The following SCYL2 variants were observed in gnomAD, a reference collection of about 807,000 sequenced individuals.
The protein encoded by SCYL2 is SCY1 like pseudokinase 2, also known as SCY1-like protein 2.
In SCYL2, 36 loss-of-function variants were observed where a neutral mutation model predicts 100.4. That is an observed-to-expected ratio of 0.36 (90% CI 0.27 to 0.47). The LOEUF (loss-of-function observed/expected upper bound fraction) is 0.47. SCYL2 is among the 20% of genes least tolerant of loss of function. The probability of loss-of-function intolerance (pLI) is 1.00; values close to 1 mark genes in which losing one functional copy is unlikely to be tolerated. For synonymous variants in SCYL2, 330 were observed against 359.2 expected (o/e 0.92, Z 0.92); for missense variants, 902 against 1,083.9 (o/e 0.83, Z 2.36).
chr12:100,276,378 G>A (rs1233679272), intron 1 of SCYL2, among the ~76,000 whole-genome samples: 2 of 151,844 alleles, frequency 1.3e-5, no homozygotes, highest in African/African-American at 4.8e-5. Flanking sequence ...TGTCACGCAG[G>A]CCAGAGGAGA....
At chr12:100,282,166 G>A (rs2096299314) in intron 1 of SCYL2, among the ~76,000 whole-genome samples, 1 of 151,708 alleles carries the variant, frequency 6.6e-6, no homozygotes, top group Admixed American at 6.6e-5. Context: ...CTGGGATTGT[G>A]GGCACGCGCC....
intron 7 of SCYL2, among the ~76,000 whole-genome samples, chr12:100,313,932 G>A (rs1319815074): frequency 6.7e-6 from 1 of 148,768 alleles, no homozygotes; most frequent in Non-Finnish European, 1.5e-5. Flanking sequence ...CCAGGCTGGA[G>A]TGTAGTGGCA....
chr12:100,316,850 C>T (rs922173022), intron 9 of SCYL2, among the ~76,000 whole-genome samples: 5 of 152,100 alleles, frequency 3.3e-5, no homozygotes, highest in African/African-American at 7.2e-5. Flanking sequence ...GCTTGTAATC[C>T]CAGTTCTTTG....
In SCYL2 at chr12:100,334,183, C is replaced by T. The variant is rs771404736; in HGVS notation, c.1779C>T (p.Ser593=). 8.8e-6 allele frequency: 14 copies of T among 1,593,202 alleles called. No homozygotes were observed. Among genetic ancestry groups the T allele is most frequent in the African/African-American group, 1.3e-5 (1 of 74,444 alleles). The change falls in exon 14 of 18, where the codon TCC becomes TCT. Residue 593 remains serine (S), a synonymous_variant. Transcript: ENST00000360820. ...LNLNQFNSFI[S]VIKEMLNRLE... ...TATACCAGTTCAATTCTTTCATTTC[C>T]GTCATAAAAGAAATGCTTAATAGAT...
intron 14 of SCYL2, 33 bp from the exon 15 acceptor site, chr12:100,335,592 T>C (rs1185205236): frequency 3.4e-6 from 5 of 1,476,022 alleles, no homozygotes; most frequent in Non-Finnish European, 4.6e-6. Flanking sequence ...GCATTTCTTT[T>C]TATTGTTTTA....
intron 17 of SCYL2, 31 bp downstream of exon 17, chr12:100,337,537 A>G (rs1210795347): frequency 3.1e-6 from 5 of 1,606,226 alleles, no homozygotes; most frequent in Non-Finnish European, 4.3e-6. Context: ...TGTAATTTCC[A>G]GAATACGACT....
At chr12:100,294,250 G>T (rs1445365040) in intron 3 of SCYL2, among the ~76,000 whole-genome samples, 5 of 136,106 alleles carry the variant, frequency 3.7e-5, no homozygotes, top group South Asian at 4.9e-4. Flanking sequence ...CTGGCCAGGT[G>T]GGGGGCTGAC....
At chr12:100,282,872 A>G (rs1383478089) in intron 1 of SCYL2, 71 bp from the exon 2 acceptor site, 4 of 691,906 alleles carry the variant, frequency 5.8e-6, no homozygotes, top group Non-Finnish European at 9.0e-6. Context: ...ACACTTTTCA[A>G]ATTAAACTAT....
intron 14 of SCYL2, among the ~76,000 whole-genome samples, chr12:100,334,791 A>T (rs1952255215): frequency 6.6e-6 from 1 of 152,138 alleles, no homozygotes; most frequent in Non-Finnish European, 1.5e-5. Context: ...AAAGATGGAA[A>T]TCGTTGACTG....
rs1952314628 is a variant in SCYL2, at chr12:100,338,780, A to G, written c.2398A>G (p.Thr800Ala). The G allele has an allele frequency of 6.2e-7, 1 of 1,614,038 alleles. No individual in the cohort carries two copies. The highest frequency in any genetic ancestry group is 8.5e-7 in the Non-Finnish European group (1 of 1,180,006). ...TNQNFYSSPS[T>A]VGVTKMTLGT... ...CCAGAACTTCTACAGTAGTCCAAGC[A>G]CAGTTGGAGTGACCAAGATGACTCT... is the stretch of plus-strand genomic sequence containing the variant. Residue 800 changes from threonine (T) to alanine (A), a missense_variant, in exon 18 of 18, where the codon ACA (threonine) becomes GCA (alanine). Thr to Ala is a moderately conservative substitution (Grantham distance 58). Transcript: ENST00000360820.
chr12:100,311,576 C>A (rs1339974069), intron 5 of SCYL2, among the ~76,000 whole-genome samples: 1 of 152,058 alleles, frequency 6.6e-6, no homozygotes, highest in Non-Finnish European at 1.5e-5. Context: ...AAGCACTTTT[C>A]CACACACTTT....
At position 100,288,379 on chromosome 12, in the gene SCYL2, G is replaced by A. The variant is rs369696401; in HGVS notation, c.178-3124G>A. 2.1e-4 allele frequency among the ~76,000 whole-genome samples: 32 copies of A among 151,962 alleles called. 1 individual carries two copies. In the East Asian group the frequency reaches 3.9e-3, roughly 18 times the overall value. On this transcript the variant is annotated intron_variant, in intron 2 of 17. Transcript: ENST00000360820. Reference sequence around the variant, plus strand: ...CCCAGGTTGGTCTCAAGCCCCTGGCGTCAAACCATCCTCCTGCCTCATTTT... The same window carrying A: ...CCCAGGTTGGTCTCAAGCCCCTGGCATCAAACCATCCTCCTGCCTCATTTT...
chr12:100,296,674 G>T (rs765357421), intron 3 of SCYL2: 23 of 151,212 alleles, frequency 1.5e-4, no homozygotes, highest in Non-Finnish European at 2.9e-5. Flanking sequence ...TAGGATGACA[G>T]TTTGGAAGCA....
At chr12:100,312,387 T>C (rs772330292) in intron 5 of SCYL2, 45 bp from the exon 6 acceptor site, 1 of 1,334,322 alleles carries the variant, frequency 7.5e-7, no homozygotes, top group African/African-American at 1.4e-5. Flanking sequence ...GATAGTTGTT[T>C]GGTTGAATTT....
intron 12 of SCYL2, 31 bp downstream of exon 12, chr12:100,326,785 A>G (rs778708462): frequency 3.8e-6 from 6 of 1,587,192 alleles, no homozygotes; most frequent in Non-Finnish European, 4.3e-6. Context: ...ATTTGATGCT[A>G]TTTTATCATG....
chr12:100,330,423 A>G (rs1387982293), intron 13 of SCYL2, among the ~76,000 whole-genome samples: 1 of 152,234 alleles, frequency 6.6e-6, no homozygotes, highest in Non-Finnish European at 1.5e-5. Flanking sequence ...GAAACTCCTC[A>G]AAGACTGGTT....
intron 4 of SCYL2, among the ~76,000 whole-genome samples, chr12:100,305,782 AAG>A (rs1396308207): frequency 6.6e-6 from 1 of 151,690 alleles, no homozygotes; most frequent in East Asian, 1.9e-4. Flanking sequence ...TAAAGAAGAA[AAG>A]AGAGAATAAT....
chr12:100,324,958 T>C (rs978686037), intron 11 of SCYL2, among the ~76,000 whole-genome samples: 1 of 152,184 alleles, frequency 6.6e-6, no homozygotes, highest in Non-Finnish European at 1.5e-5. Context: ...AGGCCGGGCA[T>C]GGTGGCTCAC....
chr12:100,271,281 A>G (rs12230776), intron 1 of SCYL2, among the ~76,000 whole-genome samples: 12,450 of 127,716 alleles, frequency 0.097, 1,091 homozygotes, highest in East Asian at 0.51. Flanking sequence ...AAAAAAAAAA[A>G]AGAGAGAGAG....
Sources: gnomAD v4.1 joint callset for allele counts (sites outside exome capture counted in the v4.1 genomes callset) on GRCh38, gnomAD v4.1.1 for gene constraint, MANE v1.5 for transcripts, NCBI Gene and HGNC (gene_info 2026-07-23, HGNC 2026-07-21) for gene names.